Variants in EYS observed in about 807,000 individuals in gnomAD.
EYS encodes protein eyes shut homolog.
A neutral mutation model predicts 282.1 loss-of-function variants in EYS; 250 were observed. The observed-to-expected ratio is 0.89, with a 90% confidence interval of 0.80 to 0.98. The LOEUF is 0.98. Among genes scored for constraint, EYS ranks in the 50% least tolerant of loss-of-function variants. The pLI, the probability that EYS is intolerant of heterozygous loss-of-function variation, is 0.00. For missense variants in EYS, 4,016 were observed against 3,709.0 expected (o/e 1.08, Z -2.15); for synonymous variants, 1,355 against 1,282.9 (o/e 1.06, Z -1.20).
intron 35 of EYS, among the ~76,000 whole-genome samples, chr6:63,880,485 C>CTATCTATCTA (rs756807407): frequency 0.01 from 1,069 of 105,620 alleles, 10 homozygotes; most frequent in African/African-American, 9.7e-3. Context: ...GTCTGTCTGT[C>CTATCTATCTA]TGTATCTATC....
rs1452970371 is a variant in EYS, at chr6:63,984,603, C to T, written c.6835G>A (p.Ala2279Thr). 5 of 1,541,852 alleles carry T rather than the reference C, an allele frequency of 3.2e-6. No individual in the cohort carries two copies. In the African/African-American group the frequency reaches 4.1e-5, roughly 13 times the overall value. ...CCAAGGAACATTGATTCAAAATATG[C>T]CTGTAGAAAAAGTAACAACAAAAAA... ...KDTEISHASQAYFESMFLGHI... is the reference protein window; with the variant it reads ...KDTEISHASQTYFESMFLGHI... Residue 2279 changes from alanine to threonine, a missense_variant and splice_region_variant, in exon 35 of 43, where the codon GCA becomes ACA. Ala to Thr is a moderately conservative substitution (Grantham distance 58, BLOSUM62 0). Transcript: ENST00000503581.
At chr6:63,744,260 T>C (rs1769156071) in intron 41 of EYS, 1 of 152,222 alleles carries the variant, frequency 6.6e-6, no homozygotes, top group South Asian at 2.1e-4. Flanking sequence ...CTCATTATTT[T>C]TTACACCAAA....
chr6:64,879,678 A>T (rs1210271389), intron 19 of EYS, among the ~76,000 whole-genome samples: 1 of 152,090 alleles, frequency 6.6e-6, no homozygotes, highest in Non-Finnish European at 1.5e-5. Context: ...AATGAGCAAA[A>T]AATAAAATTA....
At chr6:64,487,646 T>G (rs1340857829) in intron 26 of EYS, among the ~76,000 whole-genome samples, 2 of 150,988 alleles carry the variant, frequency 1.3e-5, no homozygotes, top group African/African-American at 4.8e-5. Context: ...ATATTAAATG[T>G]GGGATACTAT....
intron 1 of EYS, among the ~76,000 whole-genome samples, chr6:65,650,925 A>G (rs1298145648): frequency 1.3e-5 from 2 of 152,178 alleles, no homozygotes; most frequent in Admixed American, 6.6e-5. Flanking sequence ...CATCAACACC[A>G]TAACAGGGAT....
At chr6:64,640,649 G>A (rs1359634132) in intron 22 of EYS, among the ~76,000 whole-genome samples, 6 of 152,018 alleles carry the variant, frequency 3.9e-5, no homozygotes, top group Non-Finnish European at 8.8e-5. Flanking sequence ...CAGCACACAA[G>A]CATGGCACAT....
Position 63,864,242 on chromosome 6 carries a change from C to G in EYS, c.7172G>C (p.Gly2391Ala), listed in dbSNP as rs1302944100. The G allele has an allele frequency of 6.4e-7, 1 of 1,550,814 alleles. No individual in the cohort carries two copies. The highest frequency in any genetic ancestry group is 1.4e-5 in the African/African-American group (1 of 72,998). ...TGGGCAGAGGCAGACAATATCTGTT[C>G]CGGATTTTGGAACACAGGTGGCACC... ...GNGATCVPKSGTDIVCLCPYG... is the reference protein window; with the variant it reads ...GNGATCVPKSATDIVCLCPYG... The change falls in exon 36 of 43, where the codon GGA becomes GCA. Residue 2391 changes from glycine to alanine, a missense_variant. Transcript: ENST00000503581.
At chr6:64,659,657 A>T (rs1223817415) in intron 22 of EYS, among the ~76,000 whole-genome samples, 1 of 152,220 alleles carries the variant, frequency 6.6e-6, no homozygotes, top group Non-Finnish European at 1.5e-5. Flanking sequence ...AAATTCCTTG[A>T]CACATACACC....
intron 2 of EYS, among the ~76,000 whole-genome samples, chr6:65,514,377 T>C (rs1562234275): frequency 6.6e-6 from 1 of 152,196 alleles, no homozygotes; most frequent in Non-Finnish European, 1.5e-5. Context: ...AGGTAATTTA[T>C]AGATTCAATG....
intron 22 of EYS, among the ~76,000 whole-genome samples, chr6:64,704,802 T>G (rs1043871102): frequency 6.6e-6 from 1 of 152,074 alleles, no homozygotes; most frequent in East Asian, 1.9e-4. Flanking sequence ...CCATCAAATA[T>G]TGAAAAGACA....
intron 12 of EYS, among the ~76,000 whole-genome samples, chr6:65,259,742 C>T (rs1424495579): frequency 6.6e-6 from 1 of 152,010 alleles, no homozygotes; most frequent in African/African-American, 2.4e-5. Context: ...ACATATCTTT[C>T]AATTTCTATC....
intron 33 of EYS, among the ~76,000 whole-genome samples, chr6:64,032,129 A>G (rs1277377659): frequency 6.6e-6 from 1 of 152,124 alleles, no homozygotes; most frequent in African/African-American, 2.4e-5. Context: ...AAGAGCTGTA[A>G]CACTCACTGC....
At chr6:64,744,424 C>A (rs949323114) in intron 22 of EYS, among the ~76,000 whole-genome samples, 1 of 152,242 alleles carries the variant, frequency 6.6e-6, no homozygotes, top group Admixed American at 6.5e-5. Context: ...CATCTTATCA[C>A]CTGCCCAATA....
chr6:63,924,989 A>G (rs1416972504), intron 35 of EYS, among the ~76,000 whole-genome samples: 2 of 152,238 alleles, frequency 1.3e-5, no homozygotes, highest in South Asian at 2.1e-4. Context: ...ACCTAAGCAC[A>G]TAAAACAAGC....
At chr6:63,862,022 A>G (rs538304580) in intron 36 of EYS, among the ~76,000 whole-genome samples, 2 of 152,264 alleles carry the variant, frequency 1.3e-5, no homozygotes, top group East Asian at 3.9e-4. Context: ...ATCTTTCCTC[A>G]GGGTCTTCCA....
At chr6:65,346,152 A>G (rs886325251) in intron 9 of EYS, among the ~76,000 whole-genome samples, 13 of 151,800 alleles carry the variant, frequency 8.6e-5, no homozygotes, top group African/African-American at 3.1e-4. Flanking sequence ...CCTAGTTGCC[A>G]TCCTGCAACC....
chr6:64,055,814 C>T (rs1171553614), intron 33 of EYS, among the ~76,000 whole-genome samples: 1 of 152,082 alleles, frequency 6.6e-6, no homozygotes. Context: ...GAATTTAGCT[C>T]CCTGGTTACT....
chr6:64,113,665 CTT>C (rs1773282499), intron 31 of EYS, among the ~76,000 whole-genome samples: 1 of 152,104 alleles, frequency 6.6e-6, no homozygotes, highest in Non-Finnish European at 1.5e-5. Flanking sequence ...GTTCTGTTCT[CTT>C]TTTCTGAATG....
chr6:64,713,735 A>C (rs6913956), intron 22 of EYS, among the ~76,000 whole-genome samples: 13,039 of 152,162 alleles, frequency 0.086, 729 homozygotes, highest in East Asian at 0.32. Flanking sequence ...CAGTGACTCT[A>C]TGAGACCTAT....
Sources: allele counts gnomAD v4.1 joint callset (sites outside exome capture counted in the v4.1 genomes callset), GRCh38; gene constraint gnomAD v4.1.1; transcripts MANE v1.5; gene names NCBI Gene and HGNC (gene_info 2026-07-23, HGNC 2026-07-21).